The following IGF1R variants were observed in gnomAD, a reference collection of about 807,000 sequenced individuals.
The protein encoded by IGF1R is insulin like growth factor 1 receptor.
Under a neutral mutation model 144.6 loss-of-function variants are expected in IGF1R, and 44 were observed. That is an observed-to-expected ratio of 0.30 (90% CI 0.24 to 0.39). The LOEUF (loss-of-function observed/expected upper bound fraction) is 0.39. IGF1R is among the 10% of genes least tolerant of loss of function. The pLI is 1.00. For synonymous variants in IGF1R, 795 were observed against 722.8 expected, an observed-to-expected ratio of 1.10 and a Z score of -1.60; for missense variants, 1,355 against 1,833.7, an observed-to-expected ratio of 0.74 and a Z score of 4.77.
intron 2 of IGF1R, among the ~76,000 whole-genome samples, chr15:98,721,034 C>T (rs1022701729): frequency 1.3e-5 from 2 of 152,008 alleles, no homozygotes; most frequent in African/African-American, 4.8e-5. Context: ...GAGTTGGGTG[C>T]GTTCTGCTGT....
intron 2 of IGF1R, among the ~76,000 whole-genome samples, chr15:98,785,584 A>G (rs2055973637): frequency 6.6e-6 from 1 of 152,198 alleles, no homozygotes; most frequent in South Asian, 2.1e-4. Context: ...CTTTAGCCCC[A>G]AAGGTTTTGT....
intron 2 of IGF1R, among the ~76,000 whole-genome samples, chr15:98,854,263 C>T (rs1307438697): frequency 1.3e-5 from 2 of 152,150 alleles, no homozygotes; most frequent in Non-Finnish European, 2.9e-5. Context: ...ATAAAGTGTG[C>T]TCCAGTGATG....
chr15:98,694,956 G>A (rs2053563876), intron 1 of IGF1R, among the ~76,000 whole-genome samples: 1 of 152,206 alleles, frequency 6.6e-6, no homozygotes, highest in Admixed American at 6.5e-5. Context: ...GTTGCCTGAT[G>A]AAGTGGAAAT....
chr15:98,831,109 C>T (rs2056994133), intron 2 of IGF1R, among the ~76,000 whole-genome samples: 1 of 152,222 alleles, frequency 6.6e-6, no homozygotes, highest in South Asian at 2.1e-4. Context: ...ACACCTCCCA[C>T]CAGGCCCCAC....
chr15:98,895,154 G>A (rs1211991774), intron 3 of IGF1R, among the ~76,000 whole-genome samples: 3 of 151,522 alleles, frequency 2.0e-5, no homozygotes, highest in Admixed American at 6.6e-5. Context: ...TGGTGGTGAC[G>A]GAACAGTTCT....
chr15:98,665,309 G>A (rs764620724), intron 1 of IGF1R, among the ~76,000 whole-genome samples: 2 of 152,158 alleles, frequency 1.3e-5, no homozygotes, highest in Non-Finnish European at 2.9e-5. Context: ...GGGGATAGCA[G>A]CACAGCTTCC....
At chr15:98,818,257 G>A (rs1369683120) in intron 2 of IGF1R, among the ~76,000 whole-genome samples, 3 of 152,122 alleles carry the variant, frequency 2.0e-5, no homozygotes, top group South Asian at 2.1e-4. Flanking sequence ...TCATAGCGTC[G>A]AGTTATAAGA....
intron 2 of IGF1R, among the ~76,000 whole-genome samples, chr15:98,792,482 T>C (rs2056149113): frequency 6.6e-6 from 1 of 152,346 alleles, no homozygotes; most frequent in Non-Finnish European, 1.5e-5. Flanking sequence ...TACCTATTTA[T>C]TTGTTTGGAA....
At chr15:98,749,827 G>A (rs6598542) in intron 2 of IGF1R, among the ~76,000 whole-genome samples, 99,243 of 151,638 alleles carry the variant, frequency 0.65, 32,750 homozygotes, top group African/African-American at 0.73. Flanking sequence ...TAACCATAAC[G>A]TTCATGGTGC....
chr15:98,956,924 G>A, intron 20 of IGF1R, 137 bp from the exon 21 acceptor site: 3 of 962,294 alleles, frequency 3.1e-6, no homozygotes, highest in Non-Finnish European at 4.9e-6. Flanking sequence ...AGCCAGGGAT[G>A]GAGAGGGGCA....
chr15:98,707,943 T>C lies in IGF1R; in HGVS notation c.476T>C (p.Leu159Pro), dbSNP rs867336086. Residue 159 changes from leucine (L) to proline (P), a missense_variant, in exon 2 of 21, where the codon CTG (leucine) becomes CCG (proline). Transcript: ENST00000650285. This position sits in a 1 kb window ranked among gnomAD's most constrained non-coding sequence, Gnocchi z 6.7. The part of the protein sequence containing the change: ...LCYLSTVDWS[L>P]ILDAVSNNYI... ...TACCTCTCCACTGTGGACTGGTCCC[T>C]GATCCTGGATGCGGTGTCCAATAAC... 6.2e-7 allele frequency: 1 copy of C among 1,614,200 alleles called. No individual in the cohort carries two copies. The highest frequency in any genetic ancestry group is 1.3e-5 in the African/African-American group (1 of 75,044).
chr15:98,700,680 C>T (rs552609504), intron 1 of IGF1R, among the ~76,000 whole-genome samples: 21 of 152,210 alleles, frequency 1.4e-4, no homozygotes, highest in African/African-American at 3.6e-4. Context: ...TTGTTCTCCC[C>T]GCCACACGGG....
intron 9 of IGF1R, chr15:98,916,445 A>G: frequency 6.9e-6 from 4 of 580,276 alleles, no homozygotes; most frequent in Non-Finnish European, 1.2e-5. Flanking sequence ...TATTTTTAGT[A>G]GAGACGGGGT....
At chr15:98,936,035 C>A (rs1260199036) in intron 17 of IGF1R, among the ~76,000 whole-genome samples, 3 of 152,100 alleles carry the variant, frequency 2.0e-5, no homozygotes, top group African/African-American at 7.2e-5. Flanking sequence ...GATTTCCCAC[C>A]CAGCTCCGTG....
chr15:98,899,704 C>A, intron 5 of IGF1R, 83 bp downstream of exon 5: 1 of 1,358,722 alleles, frequency 7.4e-7, no homozygotes, highest in Non-Finnish European at 1.0e-6. Flanking sequence ...GAGGTAAGAG[C>A]CCTCCCTGCC....
At chr15:98,718,246 C>G (rs2054167952) in intron 2 of IGF1R, among the ~76,000 whole-genome samples, 1 of 152,188 alleles carries the variant, frequency 6.6e-6, no homozygotes, top group Admixed American at 6.5e-5. Flanking sequence ...AACAAGCGCC[C>G]AGTCCTCTCT....
At chr15:98,943,406 ACT>A (rs1412637428) in intron 19 of IGF1R, among the ~76,000 whole-genome samples, 1 of 152,072 alleles carries the variant, frequency 6.6e-6, no homozygotes, top group Non-Finnish European at 1.5e-5. Flanking sequence ...ATAAACAGAT[ACT>A]GTCTGTGTGT....
At chr15:98,933,574 C>T (rs762332406) in intron 15 of IGF1R, among the ~76,000 whole-genome samples, 22 of 152,158 alleles carry the variant, frequency 1.4e-4, no homozygotes, top group Admixed American at 3.3e-4. Context: ...TGGGCTCAAG[C>T]GATCCTCCCA....
chr15:98,944,976 T>G (rs934528214), intron 19 of IGF1R, among the ~76,000 whole-genome samples: 5 of 152,262 alleles, frequency 3.3e-5, no homozygotes, highest in Non-Finnish European at 5.9e-5. Flanking sequence ...CGAAGAGGTG[T>G]GTCTGTTCTA....
Sources: allele counts gnomAD v4.1 joint callset (sites outside exome capture counted in the v4.1 genomes callset), GRCh38; gene constraint gnomAD v4.1.1; non-coding constraint Gnocchi (gnomAD v3.1); transcripts MANE v1.5; gene names NCBI Gene and HGNC (gene_info 2026-07-23, HGNC 2026-07-21).